Variants in PHAX observed in about 807,000 individuals in gnomAD.
The protein encoded by PHAX is phosphorylated adapter RNA export protein.
Under a neutral mutation model 41.6 loss-of-function variants are expected in PHAX, and 31 were observed. The observed-to-expected ratio is 0.75, with a 90% CI of 0.56 to 1.01. The LOEUF is 1.01. PHAX is among the 50% of genes least tolerant of loss of function. The pLI, the probability that PHAX is intolerant of heterozygous loss-of-function variation, is 0.00. For missense variants in PHAX, 453 were observed against 472.9 expected (o/e 0.96, Z 0.39); for synonymous variants, 175 against 164.9 (o/e 1.06, Z -0.47).
Position 126,601,040 on chromosome 5 carries a change from C to T in PHAX, c.78C>T (p.Asp26=), listed in dbSNP as rs1751889238. The T allele has an allele frequency of 6.2e-7, 1 of 1,606,508 alleles. No individual in the cohort carries two copies. Residue 26 remains aspartate, a synonymous_variant, in exon 1 of 5, where the codon GAC becomes GAT. Transcript: ENST00000297540. The part of the protein sequence containing the change: ...SDSDMTVAPS[D]RPLQLPKVLG... ...CCGACATGACGGTCGCACCCAGCGA[C>T]AGGCCGCTGCAATTGCCAGTGAGTG...
intron 3 of PHAX, among the ~76,000 whole-genome samples, chr5:126,614,735 G>C (rs914025762): frequency 6.6e-6 from 1 of 151,614 alleles, no homozygotes; most frequent in African/African-American, 2.4e-5. Flanking sequence ...ACCTATCCTT[G>C]AGCCACCCAG....
At chr5:126,604,351 C>T (rs1468086726) in intron 2 of PHAX, among the ~76,000 whole-genome samples, 168 bp downstream of exon 2, 6 of 144,494 alleles carry the variant, frequency 4.2e-5, no homozygotes, top group East Asian at 2.0e-4. Context: ...CTGCAACCTC[C>T]GCCTCCTCGC....
chr5:126,618,269 A>G (rs1752219037), intron 4 of PHAX, among the ~76,000 whole-genome samples: 1 of 152,082 alleles, frequency 6.6e-6, no homozygotes, highest in Non-Finnish European at 1.5e-5. Flanking sequence ...CCATGTGGAA[A>G]TAAATAACAA....
At chr5:126,601,388 A>T (rs1312923728) in intron 1 of PHAX, among the ~76,000 whole-genome samples, 2 of 152,152 alleles carry the variant, frequency 1.3e-5, no homozygotes, top group Non-Finnish European at 2.9e-5. Context: ...GGCCTCTTAG[A>T]CGTCTCACCT....
intron 2 of PHAX, among the ~76,000 whole-genome samples, chr5:126,605,500 G>GT (rs1276969081): frequency 6.6e-6 from 1 of 151,966 alleles, no homozygotes; most frequent in African/African-American, 2.4e-5. Flanking sequence ...TTGCTTGAAC[G>GT]TGAGAGAGCC....
At chr5:126,607,199 A>C (rs1752003049) in intron 2 of PHAX, among the ~76,000 whole-genome samples, 1 of 152,150 alleles carries the variant, frequency 6.6e-6, no homozygotes, top group African/African-American at 2.4e-5. Context: ...GATTTTTAAA[A>C]TACTGGGGAA....
chr5:126,616,979 A>T (rs1752196029), intron 3 of PHAX, among the ~76,000 whole-genome samples: 1 of 151,986 alleles, frequency 6.6e-6, no homozygotes, highest in Non-Finnish European at 1.5e-5. Flanking sequence ...TGAGTGGCCT[A>T]TTTCTCTTTG....
At chr5:126,610,768 G>A (rs1752082126) in intron 3 of PHAX, among the ~76,000 whole-genome samples, 1 of 151,906 alleles carries the variant, frequency 6.6e-6, no homozygotes, top group Non-Finnish European at 1.5e-5. Flanking sequence ...GTACAGTGGC[G>A]CGATCTCAGC....
chr5:126,604,269 T>C (rs999269877), intron 2 of PHAX, 86 bp downstream of exon 2: 5 of 1,173,812 alleles, frequency 4.3e-6, no homozygotes, highest in African/African-American at 3.6e-5. Context: ...TTTAATGATA[T>C]GTTCCTTTTT....
chr5:126,616,228 G>C (rs1752182296), intron 3 of PHAX, among the ~76,000 whole-genome samples: 1 of 152,006 alleles, frequency 6.6e-6, no homozygotes, highest in South Asian at 2.1e-4. Flanking sequence ...AAGTAGCTGG[G>C]ATTACAGATA....
chr5:126,621,685 A>G (rs1390911428), intron 4 of PHAX, among the ~76,000 whole-genome samples: 1 of 152,198 alleles, frequency 6.6e-6, no homozygotes, highest in Non-Finnish European at 1.5e-5. Context: ...GAAAAATACA[A>G]AGTTTTCTGA....
At chr5:126,608,653 G>A (rs1261887430) in intron 3 of PHAX, among the ~76,000 whole-genome samples, 169 bp downstream of exon 3, 1 of 151,904 alleles carries the variant, frequency 6.6e-6, no homozygotes, top group Non-Finnish European at 1.5e-5. Context: ...AAAAAAATTA[G>A]TTGCCAGGCA....
intron 2 of PHAX, among the ~76,000 whole-genome samples, chr5:126,606,805 C>G (rs1293682801): frequency 6.9e-6 from 1 of 145,814 alleles, no homozygotes; most frequent in Non-Finnish European, 1.5e-5. Context: ...GCGTGCGCCA[C>G]CACGCCCAGA....
Position 126,601,076 on chromosome 5 carries a change from G to T in PHAX, c.96+18G>T, listed in dbSNP as rs768399138. ...AATTGCCAGTGAGTGTGAAAGGAGG[G>T]TGGGTGATCGTGGCTGGGCGCGCGG... On this transcript the variant is annotated intron_variant, in intron 1 of 4. Transcript: ENST00000297540. 10 of 1,570,572 alleles carry T rather than the reference G, an allele frequency of 6.4e-6. No homozygotes were observed. The East Asian group carries it at 2.1e-4, about 33-fold the overall frequency.
chr5:126,624,728 G>C lies in PHAX; in HGVS notation c.1069G>C (p.Asp357His), dbSNP rs1220318222. 1 of 1,614,064 alleles carries C rather than the reference G, an allele frequency of 6.2e-7. No individual in the cohort carries two copies. Among genetic ancestry groups the C allele is most frequent in the African/African-American group, 1.3e-5 (1 of 74,938 alleles). Residue 357 changes from aspartate to histidine, a missense_variant, in exon 5 of 5, where the codon GAC becomes CAC. Physicochemically the swap from Asp to His is moderately conservative, Grantham distance 81. Coordinates refer to ENST00000297540, the MANE Select transcript of PHAX (RefSeq NM_032177.4). ...TACATCACGAGAAACTTTTGCAAGT[G>C]ACACGAATGAGGCCTTGGCCTCTCT... is the stretch of plus-strand genomic sequence containing the variant. Reference protein sequence around the residue: ...DDTSRETFASDTNEALASLDE... With the variant: ...DDTSRETFASHTNEALASLDE...
chr5:126,624,439 T>C, intron 4 of PHAX, 136 bp from the exon 5 acceptor site: 1 of 724,678 alleles, frequency 1.4e-6, no homozygotes, highest in Non-Finnish European at 2.3e-6. Context: ...TATCTTGAAC[T>C]CCATCTTAAT....
At chr5:126,605,111 C>A (rs561578158) in intron 2 of PHAX, among the ~76,000 whole-genome samples, 168 of 151,682 alleles carry the variant, frequency 1.1e-3, no homozygotes, top group African/African-American at 4.0e-3. Flanking sequence ...AGTCCTCCCA[C>A]ATTGGCCTCC....
intron 3 of PHAX, among the ~76,000 whole-genome samples, chr5:126,611,240 G>A (rs889465941): frequency 6.6e-6 from 1 of 151,980 alleles, no homozygotes; most frequent in African/African-American, 2.4e-5. Flanking sequence ...TTTTAATAGA[G>A]ACAGGGTTTC....
At chr5:126,622,619 A>G (rs1182142871) in intron 4 of PHAX, among the ~76,000 whole-genome samples, 2 of 151,980 alleles carry the variant, frequency 1.3e-5, no homozygotes, top group Non-Finnish European at 1.5e-5. Flanking sequence ...AAGGCTTGCC[A>G]TATTTGGAGA....
Sources: gnomAD v4.1 joint callset for allele counts (sites outside exome capture counted in the v4.1 genomes callset) on GRCh38, gnomAD v4.1.1 for gene constraint, MANE v1.5 for transcripts, NCBI Gene and HGNC (gene_info 2026-07-23, HGNC 2026-07-21) for gene names.